Variants in FER1L5 observed in about 807,000 individuals in gnomAD.
FER1L5 encodes the protein fer-1-like protein 5.
FER1L5 carries 187 observed loss-of-function variants against 279.9 expected under a neutral mutation model. The observed-to-expected ratio is 0.67, with a 90% CI of 0.59 to 0.75. The LOEUF (loss-of-function observed/expected upper bound fraction) is 0.75, where lower values mean the gene tolerates loss of function less well. FER1L5 is among the 30% of genes least tolerant of loss of function. The probability of loss-of-function intolerance (pLI) is 0.00; values close to 1 mark genes in which losing one functional copy is unlikely to be tolerated. For synonymous variants in FER1L5, 921 were observed against 989.7 expected (o/e 0.93, Z 1.30); for missense variants, 2,091 against 2,594.4 (o/e 0.81, Z 4.21).
Position 96,702,109 on chromosome 2 carries a change from C to A in FER1L5, c.5159+66C>A. ...TCAGAACTCCCCCAGTGCAGGGCACCACTGTCCTCAGGTACTGAGCTGCAG... is the reference window on the plus strand; with the variant it reads ...TCAGAACTCCCCCAGTGCAGGGCACAACTGTCCTCAGGTACTGAGCTGCAG... On this transcript the variant is annotated intron_variant, in intron 46 of 52. Transcript: ENST00000624922. The surrounding 1 kb of genome is among the most constrained non-coding windows in gnomAD (Gnocchi z 4.0). The A allele has an allele frequency of 6.3e-7, 1 of 1,587,060 alleles. No individual in the cohort carries two copies. Among genetic ancestry groups the A allele is most frequent in the South Asian group, 1.1e-5 (1 of 89,884 alleles).
chr2:96,650,808 G>A (rs377077627), intron 6 of FER1L5, among the ~76,000 whole-genome samples: 8 of 152,084 alleles, frequency 5.3e-5, no homozygotes, highest in South Asian at 4.1e-4. Flanking sequence ...CCTGCTCCTC[G>A]CGCAGCAGCT....
intron 18 of FER1L5, among the ~76,000 whole-genome samples, chr2:96,670,688 A>T (rs2076289672): frequency 6.6e-6 from 1 of 152,074 alleles, no homozygotes; most frequent in African/African-American, 2.4e-5. Flanking sequence ...AGGGAGGCTG[A>T]GGCAGGAGAA....
chr2:96,703,737 C>A, intron 51 of FER1L5, 105 bp downstream of exon 51: 1 of 950,614 alleles, frequency 1.1e-6, no homozygotes, highest in East Asian at 2.6e-5. Context: ...ACCTCCCACC[C>A]CACAGCTCTG....
chr2:96,653,931 T>G (rs2075488713), intron 8 of FER1L5: 1 of 532,658 alleles, frequency 1.9e-6, no homozygotes, highest in Non-Finnish European at 3.3e-6. Context: ...GGCGCCAAGG[T>G]GAACAAGGCA....
chr2:96,654,096 C>T (rs1573791573), intron 8 of FER1L5: 2 of 282,402 alleles, frequency 7.1e-6, no homozygotes, highest in East Asian at 6.5e-5. Context: ...AACAAAGAGG[C>T]CTCTTCCTTT....
At chr2:96,673,968 C>A (rs543179231) in intron 19 of FER1L5, among the ~76,000 whole-genome samples, 1 of 152,180 alleles carries the variant, frequency 6.6e-6, no homozygotes, top group Admixed American at 6.6e-5. Context: ...CCATTCTGAG[C>A]CTTTCTGGGC....
At position 96,697,701 on chromosome 2, in the gene FER1L5, C is replaced by T. The variant is rs747428491; in HGVS notation, c.4176C>T (p.Phe1392=). ...EHEVDWWSKL[F]WATDEHKSLK... The stretch of plus-strand genomic sequence containing the variant: ...AGGTGGACTGGTGGAGCAAGCTGTT[C>T]TGGGCCACAGATGAGCACAAGTCCC... The change falls in exon 39 of 53, where the codon TTC becomes TTT. Residue 1392 remains phenylalanine (F), a synonymous_variant. Transcript: ENST00000624922. The T allele has an allele frequency of 2.2e-5, 35 of 1,613,936 alleles. No homozygotes were observed. In the Admixed American group the frequency reaches 4.7e-4, roughly 22 times the overall value.
chr2:96,656,985 A>C (rs1004403305), intron 9 of FER1L5, among the ~76,000 whole-genome samples: 3 of 151,766 alleles, frequency 2.0e-5, no homozygotes, highest in Admixed American at 6.6e-5. Flanking sequence ...TTAACAGCTA[A>C]TGATGATCAT....
At chr2:96,682,732 G>T (rs191982055) in intron 19 of FER1L5, among the ~76,000 whole-genome samples, 1 of 152,050 alleles carries the variant, frequency 6.6e-6, no homozygotes, top group East Asian at 1.9e-4. Flanking sequence ...TTGAGACACG[G>T]TCTCACTCTG....
chr2:96,675,123 C>T (rs2076464861), intron 19 of FER1L5, among the ~76,000 whole-genome samples: 1 of 152,168 alleles, frequency 6.6e-6, no homozygotes, highest in African/African-American at 2.4e-5. Flanking sequence ...ATGTGTACTG[C>T]AGTTCATTTT....
chr2:96,646,371 A>G, intron 1 of FER1L5, 30 bp from the exon 2 acceptor site: 1 of 1,550,936 alleles, frequency 6.4e-7, no homozygotes, highest in Non-Finnish European at 8.7e-7. Flanking sequence ...ATTTCCTACC[A>G]TCAATGCCAG....
In FER1L5 at chr2:96,659,389, CT is replaced by C. The variant is rs2075800976; in HGVS notation, c.748-949del. On this transcript the variant is annotated intron_variant, in intron 9 of 52. Transcript: ENST00000624922. ...TCTTTCTTTCTTTCTTTCTTTCTTT[CT>C]TTCTTTCTTTCTTTCTTTCTTTCTT... 6.5e-4 allele frequency among the ~76,000 whole-genome samples: 6 copies of C among 9,278 alleles called. 1 individual carries two copies. Among genetic ancestry groups the C allele is most frequent in the Non-Finnish European group, 8.3e-4 (5 of 6,026 alleles). 6.1% of individuals were successfully genotyped at this position (9,278 alleles called of 152,430 possible). A position where few individuals can be genotyped will look rare whatever the true frequency, so the allele number is the denominator to read the frequency against.
rs768728046 is a variant in FER1L5 at position 96,668,946 on chromosome 2, G to A, written c.1245G>A (p.Ser415=). The change falls in exon 16 of 53, where the codon TCG becomes TCA. Residue 415 remains serine, a synonymous_variant. Transcript: ENST00000624922. The part of the protein sequence containing the change: ...GTASLSLNQI[S]STGEEIEGVY... ...CCAGCCTGTCCCTCAACCAGATCTC[G>A]TCCACCGGAGAAGAGATAGAAGGCA... 24 of 1,551,432 alleles carry A rather than the reference G, an allele frequency of 1.5e-5. 2 individuals are homozygous for A. Among genetic ancestry groups the A allele is most frequent in the South Asian group, 1.2e-4 (10 of 84,054 alleles).
chr2:96,663,540 C>T, intron 14 of FER1L5, 33 bp downstream of exon 14: 1 of 1,547,076 alleles, frequency 6.5e-7, no homozygotes. Context: ...ACCCTTCTCC[C>T]ACATCCCCTA....
At chr2:96,643,030 A>G in intron 1 of FER1L5, 109 bp downstream of exon 1, 1 of 897,396 alleles carries the variant, frequency 1.1e-6, no homozygotes, top group African/African-American at 1.7e-5. Flanking sequence ...TGCCCTGTGT[A>G]ACACAAAGTG....
At chr2:96,672,793 C>A (rs1470861377) in intron 18 of FER1L5, among the ~76,000 whole-genome samples, 2 of 152,092 alleles carry the variant, frequency 1.3e-5, no homozygotes, top group African/African-American at 4.8e-5. Context: ...GGTGGCCCAA[C>A]TCAGAGCCTA....
intron 21 of FER1L5, 113 bp downstream of exon 21, chr2:96,685,542 A>T (rs1277844091): frequency 1.1e-6 from 1 of 879,806 alleles, no homozygotes; most frequent in African/African-American, 1.7e-5. Context: ...GGGGAGGAGC[A>T]CTGCTCAGAC....
At chr2:96,659,792 A>G (rs561292773) in intron 9 of FER1L5, among the ~76,000 whole-genome samples, 9 of 152,054 alleles carry the variant, frequency 5.9e-5, no homozygotes, top group Admixed American at 2.0e-4. Flanking sequence ...CGTCCGGCCA[A>G]TCAAGCTTTT....
chr2:96,698,464 C>T lies in FER1L5; in HGVS notation c.4357-207C>T, dbSNP rs917819189. Among the ~76,000 whole-genome samples, 10 of 152,252 alleles carry T rather than the reference C, an allele frequency of 6.6e-5. No homozygotes were observed. The East Asian group carries it at 1.4e-3, about 21-fold the overall frequency. On this transcript the variant is annotated intron_variant, in intron 40 of 52. Transcript: ENST00000624922. The surrounding 1 kb of genome is among the most constrained non-coding windows in gnomAD (Gnocchi z 5.5). ...AGACGGGGAACTCACCTACTGACTG[C>T]GGTTCCTTTGCCAACACCCTGTTTC...
Sources: gnomAD v4.1 joint callset for allele counts (sites outside exome capture counted in the v4.1 genomes callset) on GRCh38, gnomAD v4.1.1 for gene constraint, Gnocchi (gnomAD v3.1) non-coding constraint, MANE v1.5 for transcripts, NCBI Gene and HGNC (gene_info 2026-07-23, HGNC 2026-07-21) for gene names.